Variants in TF observed in about 807,000 individuals in gnomAD.
The protein encoded by TF is serotransferrin.
TF carries 55 observed loss-of-function variants against 82.4 expected under a neutral mutation model. The ratio of observed to expected loss-of-function variants is 0.67; its 90% CI spans 0.54 to 0.84. The LOEUF (loss-of-function observed/expected upper bound fraction) is 0.84. Among genes scored for constraint, TF ranks in the 40% least tolerant of loss-of-function variants. The pLI is 0.00. For synonymous variants in TF, 332 were observed against 332.6 expected (o/e 1.00, Z 0.02); for missense variants, 737 against 868.4 (o/e 0.85, Z 1.90).
At chr3:133,689,803 G>C in the TF span, among the ~76,000 whole-genome samples, 4 of 152,154 alleles carry the variant, frequency 2.6e-5, no homozygotes, top group African/African-American at 4.8e-5. Flanking sequence ...ATTAGGGCAC[G>C]AGGGTCCTAG....
the TF span, among the ~76,000 whole-genome samples, chr3:133,723,489 T>C: frequency 1.7e-3 from 253 of 150,334 alleles, 2 homozygotes; most frequent in Non-Finnish European, 2.7e-3. Context: ...TTTTTTTTTT[T>C]TCTCTCTGAC....
chr3:133,757,466 A>G (rs8177236), intron 7 of TF, among the ~76,000 whole-genome samples: 60 of 152,232 alleles, frequency 3.9e-4, no homozygotes, highest in African/African-American at 1.4e-3. Flanking sequence ...CCATCTGTCC[A>G]CTGAGAGTTT....
At chr3:133,753,787 T>C in intron 3 of TF, 84 bp downstream of exon 3, 1 of 1,093,328 alleles carries the variant, frequency 9.1e-7, no homozygotes, top group South Asian at 1.3e-5. Context: ...AGGTTTTGGA[T>C]ATCAGATATA....
chr3:133,716,153 T>C, the TF span, among the ~76,000 whole-genome samples: 1 of 152,174 alleles, frequency 6.6e-6, no homozygotes, highest in African/African-American at 2.4e-5. Context: ...GGCTCTGTAC[T>C]TGGAGTTCTT....
the TF span, among the ~76,000 whole-genome samples, chr3:133,739,291 T>C: frequency 6.6e-6 from 1 of 152,122 alleles, no homozygotes; most frequent in African/African-American, 2.4e-5. Context: ...GACCCCTTCC[T>C]TACACCATAT....
In TF at chr3:133,792,512, T is replaced by A. The variant is rs1414081332; in HGVS notation, c.*13892T>A. ...TCAGATGCTGGAGTCAGACCTTAAG[T>A]GTACTTCTCTCTGGGTCCTAGACTC... On this transcript the variant is annotated 3_prime_UTR_variant, in exon 17 of 17. Transcript: ENST00000402696. The A allele has an allele frequency of 1.3e-5, 2 of 152,150 alleles. No homozygotes were observed. The highest frequency in any genetic ancestry group is 4.8e-5 in the African/African-American group (2 of 41,452). 9.4% of individuals were successfully genotyped at this position (152,150 alleles called of 1,614,324 possible).
At chr3:133,712,951 T>G in the TF span, 7 of 152,500 alleles carry the variant, frequency 4.6e-5, no homozygotes, top group African/African-American at 1.7e-4. Context: ...TTTGAATGGC[T>G]CCAATGACTC....
the TF span, chr3:133,704,245 AGCTTGGAT>A: frequency 1.8e-5 from 4 of 227,216 alleles, no homozygotes; most frequent in Admixed American, 1.6e-4. Flanking sequence ...TGATGCCATG[AGCTTGGAT>A]GCAGGATTCA....
chr3:133,788,157 A>G lies in TF; in HGVS notation c.*9537A>G, dbSNP rs1477637245. The stretch of plus-strand genomic sequence containing the variant: ...ATTCATGCAGACTTCCTAGAAATAA[A>G]TGAAATGGAAACACATCAGCTATGA... On this transcript the variant is annotated 3_prime_UTR_variant, in exon 17 of 17. Coordinates refer to ENST00000402696, the MANE Select transcript of TF (RefSeq NM_001063.4). The G allele has an allele frequency of 6.6e-5, 10 of 152,366 alleles. No homozygotes were observed. The highest frequency in any genetic ancestry group is 2.4e-4 in the African/African-American group (10 of 41,482). 9.4% of individuals were successfully genotyped at this position (152,366 alleles called of 1,614,324 possible).
chr3:133,767,932 T>C, intron 12 of TF, 97 bp from the exon 13 acceptor site: 1 of 1,463,672 alleles, frequency 6.8e-7, no homozygotes, highest in Non-Finnish European at 9.6e-7. Flanking sequence ...ATGAATATGT[T>C]CTACTTATTA....
the TF span, among the ~76,000 whole-genome samples, chr3:133,695,477 A>G: frequency 6.6e-6 from 1 of 151,824 alleles, no homozygotes; most frequent in African/African-American, 2.4e-5. Flanking sequence ...TGATCTCTTG[A>G]CCTCGTGATC....
rs199913270 is a variant in TF at position 133,755,492 on chromosome 3, T to C, written c.632T>C (p.Phe211Ser). 1 of 1,614,066 alleles carries C rather than the reference T, an allele frequency of 6.2e-7. No homozygotes were observed. Among genetic ancestry groups the C allele is most frequent in the East Asian group, 2.2e-5 (1 of 44,888 alleles). ...LNQYFGYSGA[F>S]KCLKDGAGDV... The stretch of plus-strand genomic sequence containing the variant: ...CAATACTTCGGCTACTCGGGAGCCT[T>C]CAAGTGAGTGAGATGTCTGCTGCTC... Residue 211 changes from phenylalanine (F) to serine (S), a missense_variant, in exon 5 of 17, where the codon TTC becomes TCC. Transcript: ENST00000402696.
intron 1 of TF, among the ~76,000 whole-genome samples, chr3:133,747,520 G>A (rs1203013072): frequency 6.6e-6 from 1 of 152,248 alleles, no homozygotes. Context: ...CAGCCTTGCT[G>A]TGGTGGCCCA....
the TF span, among the ~76,000 whole-genome samples, chr3:133,689,424 T>C: frequency 1.3e-5 from 2 of 152,108 alleles, no homozygotes; most frequent in Non-Finnish European, 2.9e-5. Context: ...ATGCTGTATT[T>C]CCAGATGGAA....
chr3:133,746,757 T>A (rs979449719), intron 1 of TF, among the ~76,000 whole-genome samples: 2 of 152,200 alleles, frequency 1.3e-5, no homozygotes, highest in African/African-American at 4.8e-5. Context: ...TCTAACCAGG[T>A]TATCAAAACC....
chr3:133,683,794 G>A, the TF span, among the ~76,000 whole-genome samples: 4 of 152,090 alleles, frequency 2.6e-5, no homozygotes, highest in Admixed American at 1.3e-4. Flanking sequence ...ACAGATCAAC[G>A]AGACAGAAAG....
chr3:133,697,641 T>C, the TF span, among the ~76,000 whole-genome samples: 1 of 152,250 alleles, frequency 6.6e-6, no homozygotes, highest in Non-Finnish European at 1.5e-5. Context: ...GGGCTGCTGC[T>C]GCCCCCCTGG....
At chr3:133,732,583 C>T in the TF span, among the ~76,000 whole-genome samples, 16 of 152,320 alleles carry the variant, frequency 1.1e-4, no homozygotes, top group African/African-American at 2.2e-4. Context: ...CTTGCTGCTG[C>T]GCACTGTTTG....
intron 5 of TF, chr3:133,755,865 C>T (rs1933811596): frequency 2.3e-6 from 1 of 441,952 alleles, no homozygotes; most frequent in African/African-American, 2.0e-5. Context: ...GTTACCTGCT[C>T]AGCACACTGC....
Sources: allele counts gnomAD v4.1 joint callset (sites outside exome capture counted in the v4.1 genomes callset), GRCh38; gene constraint gnomAD v4.1.1; transcripts MANE v1.5; gene names NCBI Gene and HGNC (gene_info 2026-07-23, HGNC 2026-07-21).